The following CDKL1 variants were observed in gnomAD, a reference collection of about 807,000 sequenced individuals.
CDKL1 encodes cyclin-dependent kinase-like 1.
CDKL1 carries 41 observed loss-of-function variants against 42.0 expected under a neutral mutation model. The observed-to-expected ratio is 0.98, with a 90% confidence interval of 0.76 to 1.27. The LOEUF is 1.27. Ranked by LOEUF, CDKL1 falls within the 50% of genes most tolerant of loss-of-function variation. The pLI is 0.00. For missense variants in CDKL1, 394 were observed against 428.4 expected, an observed-to-expected ratio of 0.92 and a Z score of 0.71; for synonymous variants, 153 against 158.6, an observed-to-expected ratio of 0.96 and a Z score of 0.26.
chr14:50,344,390 C>A (rs2033657413), intron 4 of CDKL1, among the ~76,000 whole-genome samples: 1 of 151,912 alleles, frequency 6.6e-6, no homozygotes. Context: ...ACATAGACTC[C>A]AAGTGAATGG....
intron 6 of CDKL1, 95 bp downstream of exon 6, chr14:50,340,937 A>G: frequency 7.6e-7 from 1 of 1,310,074 alleles, no homozygotes; most frequent in South Asian, 1.3e-5. Context: ...TAATGCCTTA[A>G]AGGGCATTAG....
At chr14:50,332,977 A>C in intron 8 of CDKL1, 1 of 267,212 alleles carries the variant, frequency 3.7e-6, no homozygotes, top group Non-Finnish European at 6.9e-6. Context: ...GATCATGTAT[A>C]TAAGGAGAGG....
At chr14:50,334,273 C>A (rs1013922539) in intron 8 of CDKL1, 1 of 229,728 alleles carries the variant, frequency 4.4e-6, no homozygotes, top group African/African-American at 2.3e-5. Context: ...TCTCCCGCCT[C>A]ACCCTCCTGA....
intron 8 of CDKL1, chr14:50,332,770 G>T: frequency 1.0e-6 from 1 of 993,502 alleles, no homozygotes. Context: ...TTGGTCCCTT[G>T]CATGTACTTT....
In CDKL1 at chr14:50,396,025, A is replaced by C. The variant is rs2139564362; in HGVS notation, c.-157T>G. On this transcript the variant is annotated 5_prime_UTR_variant, in exon 2 of 10. Transcript: ENST00000395834. ...CATACTGAAACTCCGTCTCTACTAAAGATACAAAAAATTAGCCGGGTGTGG... is the reference window on the plus strand; with the variant it reads ...CATACTGAAACTCCGTCTCTACTAACGATACAAAAAATTAGCCGGGTGTGG... 1 of 992,064 alleles carries C rather than the reference A, an allele frequency of 1.0e-6. No individual in the cohort carries two copies. The highest frequency in any genetic ancestry group is 1.7e-5 in the South Asian group (1 of 58,446). The allele number at this position is 992,064 out of a possible 1,614,324, so 61.5% of individuals were successfully genotyped here. A position where few individuals can be genotyped will look rare whatever the true frequency, so the allele number is the denominator to read the frequency against.
At chr14:50,382,298 A>C (rs919332512) in intron 2 of CDKL1, among the ~76,000 whole-genome samples, 8 of 152,004 alleles carry the variant, frequency 5.3e-5, no homozygotes, top group African/African-American at 9.7e-5. Context: ...TAAAAATACA[A>C]AAAAATTAGC....
At chr14:50,358,086 A>G (rs765087158) in intron 3 of CDKL1, 2 of 1,360,366 alleles carry the variant, frequency 1.5e-6, no homozygotes, top group East Asian at 9.1e-5. Context: ...TTTTTCTTGG[A>G]CAAGGCCTCT....
intron 3 of CDKL1, among the ~76,000 whole-genome samples, chr14:50,350,250 G>A (rs2139424131): frequency 6.6e-6 from 1 of 152,334 alleles, no homozygotes; most frequent in East Asian, 1.9e-4. Context: ...GTGCTAGCAA[G>A]GCTAGGGAAC....
intron 2 of CDKL1, among the ~76,000 whole-genome samples, chr14:50,394,745 T>C (rs1407689003): frequency 6.6e-6 from 1 of 152,208 alleles, no homozygotes; most frequent in Non-Finnish European, 1.5e-5. Context: ...TTCTGTAAAG[T>C]AGTCTCTCCA....
intron 8 of CDKL1, 170 bp downstream of exon 8, chr14:50,334,394 CT>C: frequency 1.7e-6 from 1 of 582,772 alleles, no homozygotes; most frequent in Middle Eastern, 2.8e-4. Flanking sequence ...GGTGATCTGC[CT>C]GCCTTGGCCT....
chr14:50,362,662 A>T (rs2096032), intron 2 of CDKL1, among the ~76,000 whole-genome samples: 38 of 152,028 alleles, frequency 2.5e-4, no homozygotes, highest in African/African-American at 7.7e-4. Flanking sequence ...CTTAGAGAAC[A>T]TTTGTGTCCA....
chr14:50,363,137 C>T lies in CDKL1; in HGVS notation c.169-3988G>A, dbSNP rs1595332360. The T allele has an allele frequency of 1.2e-5, 3 of 243,642 alleles. No homozygotes were observed. The South Asian group carries it at 1.3e-4, about 11-fold the overall frequency. The allele number at this position is 243,642 out of a possible 1,614,324, so 15.1% of individuals were successfully genotyped here. A position where few individuals can be genotyped will look rare whatever the true frequency, so the allele number is the denominator to read the frequency against. ...TCTTGAGCCAGGGAGACCACAAACC[C>T]ACCAGAAGGAAGAAACTCAACACAT... On this transcript the variant is annotated intron_variant, in intron 2 of 9. Transcript: ENST00000395834.
chr14:50,344,196 A>G (rs1169128632), intron 4 of CDKL1, among the ~76,000 whole-genome samples: 1 of 152,164 alleles, frequency 6.6e-6, no homozygotes, highest in Non-Finnish European at 1.5e-5. Flanking sequence ...TGTGGCCAGG[A>G]GTGTCACAGG....
intron 3 of CDKL1, among the ~76,000 whole-genome samples, chr14:50,349,469 G>A (rs542300704): frequency 6.6e-6 from 1 of 152,188 alleles, no homozygotes; most frequent in Admixed American, 6.5e-5. Context: ...CAATGCAGGA[G>A]GGAAGCAGCA....
chr14:50,370,639 G>A (rs999098100), intron 2 of CDKL1, among the ~76,000 whole-genome samples: 9 of 152,128 alleles, frequency 5.9e-5, no homozygotes, highest in Admixed American at 1.3e-4. Context: ...TGGTTCTGCC[G>A]GCTTTACAGG....
chr14:50,332,414 G>A lies in CDKL1; in HGVS notation c.814C>T (p.Pro272Ser). The A allele has an allele frequency of 6.2e-7, 1 of 1,611,710 alleles. No homozygotes were observed. The highest frequency in any genetic ancestry group is 8.5e-7 in the Non-Finnish European group (1 of 1,179,408). Reference protein sequence around the residue: ...GLLKGCLHMDPTQRLTCEQLL... With the variant: ...GLLKGCLHMDSTQRLTCEQLL... ...TGTTCACATGTCAGCCTTTGAGTAG[G>A]GTCCATGTGGAGACAGCCCTAAAAG... The change falls in exon 9 of 10, where the codon CCT (proline) becomes TCT (serine). Residue 272 changes from proline to serine, a missense_variant. Physicochemically the swap from Pro to Ser is moderately conservative, Grantham distance 74. Coordinates refer to ENST00000395834, the MANE Select transcript of CDKL1 (RefSeq NM_004196.7).
At chr14:50,394,089 A>G (rs150851181) in intron 2 of CDKL1, among the ~76,000 whole-genome samples, 73 of 152,348 alleles carry the variant, frequency 4.8e-4, no homozygotes, top group African/African-American at 1.7e-3. Flanking sequence ...GTAGTGAGAG[A>G]TTTGAAAGGA....
At chr14:50,392,339 G>C (rs1176391774) in intron 2 of CDKL1, among the ~76,000 whole-genome samples, 1 of 151,972 alleles carries the variant, frequency 6.6e-6, no homozygotes, top group East Asian at 1.9e-4. Flanking sequence ...CCAGCTACTT[G>C]GGAGGCTGAG....
intron 2 of CDKL1, among the ~76,000 whole-genome samples, chr14:50,381,978 A>C (rs1033555739): frequency 6.6e-6 from 1 of 151,898 alleles, no homozygotes; most frequent in Non-Finnish European, 1.5e-5. Flanking sequence ...CAGCAACGAC[A>C]AAAAAATAGA....
Sources: allele counts gnomAD v4.1 joint callset (sites outside exome capture counted in the v4.1 genomes callset), GRCh38; gene constraint gnomAD v4.1.1; transcripts MANE v1.5; gene names NCBI Gene and HGNC (gene_info 2026-07-23, HGNC 2026-07-21).